The following CFHR4 variants were observed in gnomAD, a reference collection of about 807,000 sequenced individuals.
CFHR4 encodes the protein complement factor H-related protein 4.
In CFHR4, 64 loss-of-function variants were observed where a neutral mutation model predicts 69.3. The ratio of observed to expected loss-of-function variants is 0.92; its 90% CI spans 0.76 to 1.14. The LOEUF is 1.14. CFHR4 is among the 50% of genes most tolerant of loss of function. The pLI is 0.00. For synonymous variants in CFHR4, 244 were observed against 237.0 expected (o/e 1.03, Z -0.27); for missense variants, 636 against 684.9 (o/e 0.93, Z 0.80).
At chr1:196,897,792 T>C (rs2124942787) in intron 1 of CFHR4, among the ~76,000 whole-genome samples, 1 of 151,206 alleles carries the variant, frequency 6.6e-6, no homozygotes. Context: ...ATGAGGAGCA[T>C]GGAGGGCCAA....
intron 1 of CFHR4, among the ~76,000 whole-genome samples, chr1:196,890,030 T>C (rs1656935177): frequency 6.6e-6 from 1 of 151,546 alleles, no homozygotes; most frequent in Admixed American, 6.6e-5. Flanking sequence ...TCTGTGGTAC[T>C]TTCTTATGGT....
chr1:196,894,889 A>AAACAACAACAAC (rs56866921), intron 1 of CFHR4, among the ~76,000 whole-genome samples: 3,928 of 149,036 alleles, frequency 0.026, 241 homozygotes, highest in African/African-American at 0.087. Context: ...CTGTCTCTAA[A>AAACAACAACAAC]AACAACAACA....
At position 196,918,247 on chromosome 1, in the gene CFHR4, T is replaced by A. The variant is rs1213071332; in HGVS notation, c.1578T>A (p.Asn526Lys). Reference sequence around the variant, plus strand: ...TAACTGAAGAAAACATGAATAAAAATAACATACAGTTAAAAGGAAAAAGTG... The same window carrying A: ...TAACTGAAGAAAACATGAATAAAAAAAACATACAGTTAAAAGGAAAAAGTG... ...CIITEENMNKNNIQLKGKSDI... is the reference protein window; with the variant it reads ...CIITEENMNKKNIQLKGKSDI... Residue 526 changes from asparagine to lysine, a missense_variant, in exon 10 of 10, where the codon AAT becomes AAA. Physicochemically the swap from Asn to Lys is moderately conservative, Grantham distance 94. Transcript: ENST00000608469. The A allele has an allele frequency of 5.0e-6, 8 of 1,605,924 alleles. No homozygotes were observed. The highest frequency in any genetic ancestry group is 4.3e-6 in the Non-Finnish European group (5 of 1,174,438).
rs530137557 is a variant in CFHR4 at position 196,917,834 on chromosome 1, G to A, written c.1541-376G>A. 1.9e-4 allele frequency among the ~76,000 whole-genome samples: 29 copies of A among 151,666 alleles called. 1 individual carries two copies. In the South Asian group the frequency reaches 3.1e-3, roughly 16 times the overall value. On this transcript the variant is annotated intron_variant, in intron 9 of 9. Coordinates refer to ENST00000608469, the MANE Select transcript of CFHR4 (RefSeq NM_001201550.3). ...GTACATTTGGAGTGCTTGTAGTCAC[G>A]GCTTGTCAAATGGGGGAAAGGAGGA...
At position 196,912,857 on chromosome 1, in the gene CFHR4, A is replaced by G. The variant is rs189919381; in HGVS notation, c.1115A>G (p.Asp372Gly). Residue 372 changes from aspartate to glycine, a missense_variant, in exon 7 of 10, where the codon GAT (aspartate) becomes GGT (glycine). Asp to Gly is a moderately conservative substitution (Grantham distance 94). This residue lies in a region of CFHR4 where 529 missense variants were observed against 533.2 expected (regional missense o/e 0.99). Coordinates refer to ENST00000608469, the MANE Select transcript of CFHR4 (RefSeq NM_001201550.3). The stretch of plus-strand genomic sequence containing the variant: ...TGTAAACCAGGATATGCAACAGCAG[A>G]TGGAAATTCTTCAGGTTCAATTACA... The part of the protein sequence containing the change: ...YKCKPGYATA[D>G]GNSSGSITCL... The G allele has an allele frequency of 7.4e-6, 12 of 1,611,448 alleles. No homozygotes were observed. In the East Asian group the frequency reaches 2.7e-4, roughly 36 times the overall value.
rs192940810 is a variant in CFHR4, at chr1:196,912,309, T to C, written c.998-431T>C. Among the ~76,000 whole-genome samples, 36 of 151,528 alleles carry C rather than the reference T, an allele frequency of 2.4e-4. 2 individuals carry two copies. The highest frequency in any genetic ancestry group is 7.8e-4 in the African/African-American group (32 of 41,138). ...AGACAACGGATTTACAAAATTACTT[T>C]CTTGCCTATGGTAGCAGTGTGTACC... On this transcript the variant is annotated intron_variant, in intron 6 of 9. Transcript: ENST00000608469.
chr1:196,898,106 T>C (rs958516127), intron 1 of CFHR4, among the ~76,000 whole-genome samples: 1 of 151,026 alleles, frequency 6.6e-6, no homozygotes, highest in Admixed American at 6.6e-5. Context: ...TTCTACATAG[T>C]CCACACAGCC....
chr1:196,910,018 G>T (rs1571441080), intron 5 of CFHR4, among the ~76,000 whole-genome samples: 1 of 150,540 alleles, frequency 6.6e-6, no homozygotes, highest in Admixed American at 6.6e-5. Context: ...TGGGCGTGGT[G>T]GTGTGTGCCC....
At chr1:196,910,559 T>C in intron 6 of CFHR4, 81 bp downstream of exon 6, 1 of 1,197,238 alleles carries the variant, frequency 8.4e-7, no homozygotes, top group East Asian at 2.4e-5. Context: ...GATTACATTG[T>C]CTTATATGAC....
intron 1 of CFHR4, among the ~76,000 whole-genome samples, chr1:196,890,823 TCCTTGA>T (rs375304720): frequency 3.3e-5 from 5 of 151,716 alleles, no homozygotes; most frequent in African/African-American, 1.2e-4. Flanking sequence ...TTCCAGGCTT[TCCTTGA>T]CTTTTCCTAC....
rs139989231 is a variant in CFHR4, at chr1:196,910,189, T to G, written c.800-92T>G. The G allele has an allele frequency of 8.8e-4, 646 of 733,380 alleles. 15 individuals are homozygous for G. In the African/African-American group the frequency reaches 0.011, roughly 12 times the overall value. 45.4% of individuals were successfully genotyped at this position (733,380 alleles called of 1,614,324 possible). On this transcript the variant is annotated intron_variant, in intron 5 of 9. Transcript: ENST00000608469. ...AAGTAAAGAAAAAAAAAAACATTAT[T>G]TGGAAGGTAACATAATCAAAACAGT...
chr1:196,904,143 G>A (rs559444325), intron 2 of CFHR4, among the ~76,000 whole-genome samples: 3 of 151,740 alleles, frequency 2.0e-5, no homozygotes, highest in Non-Finnish European at 4.4e-5. Flanking sequence ...TCCTGCCATA[G>A]GCACCAACTC....
intron 6 of CFHR4, 27 bp from the exon 7 acceptor site, chr1:196,912,713 C>CT: frequency 1.9e-6 from 3 of 1,546,832 alleles, no homozygotes; most frequent in Non-Finnish European, 2.6e-6. Context: ...CAAATATTTA[C>CT]TTTTTTCTCT....
At chr1:196,893,899 A>T (rs1022103329) in intron 1 of CFHR4, among the ~76,000 whole-genome samples, 1 of 151,576 alleles carries the variant, frequency 6.6e-6, no homozygotes, top group Admixed American at 6.6e-5. Context: ...TTTGTTTATT[A>T]CATGAATTCT....
intron 4 of CFHR4, 65 bp downstream of exon 4, chr1:196,907,102 ATG>A: frequency 1.4e-6 from 2 of 1,408,604 alleles, no homozygotes; most frequent in Non-Finnish European, 2.0e-6. Context: ...ACATATGTAT[ATG>A]TACACATATG....
At chr1:196,917,593 T>C (rs183987223) in intron 9 of CFHR4, among the ~76,000 whole-genome samples, 12 of 151,332 alleles carry the variant, frequency 7.9e-5, no homozygotes, top group African/African-American at 2.7e-4. Flanking sequence ...CTCTTTAAAA[T>C]AGAAAATGAA....
chr1:196,907,552 T>C, intron 5 of CFHR4, 54 bp downstream of exon 5: 1 of 1,454,910 alleles, frequency 6.9e-7, no homozygotes, highest in Non-Finnish European at 9.5e-7. Context: ...CTTTGATCCT[T>C]GTTTATTTAT....
In CFHR4 at chr1:196,918,213, C is replaced by T; in HGVS notation, c.1544C>T (p.Pro515Leu). The T allele has an allele frequency of 1.2e-6, 2 of 1,602,414 alleles. No homozygotes were observed. Among genetic ancestry groups the T allele is most frequent in the Non-Finnish European group, 1.7e-6 (2 of 1,172,858 alleles). The change falls in exon 10 of 10, where the codon CCA becomes CTA. Residue 515 changes from proline (P) to leucine (L), a missense_variant. By Grantham distance (98) the Pro-to-Leu change is moderately conservative (BLOSUM62 -3). Transcript: ENST00000608469. ...EWSEPPRCIHPCIITEENMNK... is the reference protein window; with the variant it reads ...EWSEPPRCIHLCIITEENMNK... Reference sequence around the variant, plus strand: ...TTGTTTCTTTTTCTGCTTTCAGATCCATGTATAATAACTGAAGAAAACATG... The same window carrying T: ...TTGTTTCTTTTTCTGCTTTCAGATCTATGTATAATAACTGAAGAAAACATG...
At chr1:196,897,103 A>G (rs527556043) in intron 1 of CFHR4, among the ~76,000 whole-genome samples, 4 of 151,604 alleles carry the variant, frequency 2.6e-5, no homozygotes, top group Admixed American at 6.6e-5. Context: ...ACAGAAAGAA[A>G]AAAAGAAAAG....
Sources: allele counts gnomAD v4.1 joint callset (sites outside exome capture counted in the v4.1 genomes callset), GRCh38; gene constraint gnomAD v4.1.1; regional missense constraint gnomAD v4.1.1; transcripts MANE v1.5; gene names NCBI Gene and HGNC (gene_info 2026-07-23, HGNC 2026-07-21).